The following MYO1E variants were observed in gnomAD, a reference collection of about 807,000 sequenced individuals.
The protein encoded by MYO1E is myosin IE.
MYO1E carries 68 observed loss-of-function variants against 151.1 expected under a neutral mutation model. The observed-to-expected ratio is 0.45, with a 90% CI of 0.37 to 0.55. MYO1E has a LOEUF of 0.55. Among genes scored for constraint, MYO1E ranks in the 20% least tolerant of loss-of-function variants. The pLI, the probability that MYO1E is intolerant of heterozygous loss-of-function variation, is 0.00. For missense variants in MYO1E, 1,363 were observed against 1,389.3 expected, an observed-to-expected ratio of 0.98 and a Z score of 0.30; for synonymous variants, 601 against 501.7, an observed-to-expected ratio of 1.20 and a Z score of -2.64.
intron 9 of MYO1E, chr15:59,218,320 A>T (rs1017245904): frequency 1.5e-6 from 1 of 650,088 alleles, no homozygotes; most frequent in South Asian, 1.5e-5. Flanking sequence ...TCCTATGATG[A>T]CTGAGACTTC....
chr15:59,209,858 C>G (rs2079867973), intron 13 of MYO1E, among the ~76,000 whole-genome samples: 1 of 63,404 alleles, frequency 1.6e-5, no homozygotes. Flanking sequence ...GAGACATGGT[C>G]TTGCCTTGCT....
chr15:59,282,993 G>T (rs2080366169), intron 1 of MYO1E, among the ~76,000 whole-genome samples: 1 of 113,768 alleles, frequency 8.8e-6, no homozygotes, highest in African/African-American at 3.3e-5. Context: ...GGGGAAAGGG[G>T]AAAGGGAAAG....
chr15:59,215,673 A>G (rs907305879), intron 10 of MYO1E, among the ~76,000 whole-genome samples: 9 of 152,202 alleles, frequency 5.9e-5, no homozygotes, highest in African/African-American at 2.2e-4. Flanking sequence ...ATCTTTTGTG[A>G]GCGAATGAGT....
intron 7 of MYO1E, 28 bp downstream of exon 7, chr15:59,227,431 T>G: frequency 6.2e-7 from 1 of 1,613,682 alleles, no homozygotes; most frequent in Non-Finnish European, 8.5e-7. Context: ...GGACAGGAAG[T>G]GGGTAGGAAA....
intron 14 of MYO1E, chr15:59,207,747 T>C (rs61754904): frequency 1.2e-6 from 2 of 1,614,038 alleles, no homozygotes; most frequent in Non-Finnish European, 1.7e-6. Flanking sequence ...ATATAGGAAC[T>C]GATAAAGATC....
chr15:59,301,960 ATAACT>A (rs1240269814), intron 1 of MYO1E, among the ~76,000 whole-genome samples: 1 of 151,694 alleles, frequency 6.6e-6, no homozygotes, highest in East Asian at 1.9e-4. Context: ...ATGCACTCAA[ATAACT>A]TACCTTCCCC....
chr15:59,208,467 AAGT>A (rs2079855082), intron 14 of MYO1E: 1 of 633,544 alleles, frequency 1.6e-6, no homozygotes. Context: ...TGCTGTAAAA[AAGT>A]AGTAGCTTCT....
intron 15 of MYO1E, 89 bp downstream of exon 15, chr15:59,205,311 C>G: frequency 7.7e-7 from 1 of 1,294,108 alleles, no homozygotes; most frequent in Non-Finnish European, 1.1e-6. Flanking sequence ...TATAGGAACA[C>G]ACCACCACAC....
intron 1 of MYO1E, among the ~76,000 whole-genome samples, chr15:59,288,725 GT>G (rs1321531025): frequency 2.0e-5 from 3 of 152,056 alleles, no homozygotes; most frequent in Non-Finnish European, 4.4e-5. Context: ...AACTTTTAAA[GT>G]TTCATGATGC....
chr15:59,191,366 G>GAA (rs770072317), intron 17 of MYO1E, among the ~76,000 whole-genome samples: 5 of 141,000 alleles, frequency 3.5e-5, no homozygotes, highest in South Asian at 2.5e-4. Flanking sequence ...GAGAGAGAGA[G>GAA]AGAAAGAAAT....
At chr15:59,198,394 G>C (rs2079780738) in intron 16 of MYO1E, among the ~76,000 whole-genome samples, 1 of 152,222 alleles carries the variant, frequency 6.6e-6, no homozygotes, top group South Asian at 2.1e-4. Context: ...GTGGGTCCTG[G>C]CACTTTTATT....
rs1853383691 is a variant in MYO1E, at chr15:59,196,995, T to TTTTTTTC, written c.1699-1429_1699-1428insGAAAAAA. The stretch of plus-strand genomic sequence containing the variant: ...TTGTATTTAATTACGACTTTTTTTT[T>TTTTTTTC]TTTTTTTTTTTTTTTGAGATGGAGT... On this transcript the variant is annotated intron_variant, in intron 16 of 27. Transcript: ENST00000288235. Among the ~76,000 whole-genome samples the TTTTTTTC allele has an allele frequency of 2.4e-5, 3 of 123,944 alleles. 1 individual carries two copies. The highest frequency in any genetic ancestry group is 5.2e-5 in the Non-Finnish European group (3 of 58,010). 81.3% of individuals were successfully genotyped at this position (123,944 alleles called of 152,430 possible). A position where few individuals can be genotyped will look rare whatever the true frequency, so the allele number is the denominator to read the frequency against.
At chr15:59,220,157 A>C (rs1299874866) in intron 9 of MYO1E, among the ~76,000 whole-genome samples, 1 of 152,200 alleles carries the variant, frequency 6.6e-6, no homozygotes, top group Non-Finnish European at 1.5e-5. Context: ...AAAAAAAACA[A>C]AGCTTGTTTG....
intron 14 of MYO1E, chr15:59,207,723 G>A (rs1175796431): frequency 6.2e-7 from 1 of 1,614,126 alleles, no homozygotes; most frequent in Admixed American, 1.7e-5. Flanking sequence ...TCCCTTTGAA[G>A]GATCTGAACT....
intron 19 of MYO1E, among the ~76,000 whole-genome samples, chr15:59,177,620 C>T (rs1335015014): frequency 6.6e-6 from 1 of 152,194 alleles, no homozygotes; most frequent in East Asian, 1.9e-4. Context: ...GAATGAATGT[C>T]TTTATTCCGC....
At chr15:59,177,828 C>G (rs1394228353) in intron 19 of MYO1E, among the ~76,000 whole-genome samples, 1 of 152,160 alleles carries the variant, frequency 6.6e-6, no homozygotes, top group East Asian at 1.9e-4. Context: ...ATTTCTCCTC[C>G]CACCTATTTT....
chr15:59,281,051 A>C (rs1316785795), intron 1 of MYO1E, among the ~76,000 whole-genome samples: 1 of 152,100 alleles, frequency 6.6e-6, no homozygotes, highest in Non-Finnish European at 1.5e-5. Context: ...AAGAGAAGCC[A>C]CCCATCACCA....
intron 1 of MYO1E, among the ~76,000 whole-genome samples, chr15:59,333,580 T>C (rs550155289): frequency 6.6e-6 from 1 of 152,130 alleles, no homozygotes; most frequent in African/African-American, 2.4e-5. Context: ...CCCACACCCA[T>C]TGTGAAATTA....
At chr15:59,219,294 T>A (rs1404094862) in intron 9 of MYO1E, among the ~76,000 whole-genome samples, 1 of 152,244 alleles carries the variant, frequency 6.6e-6, no homozygotes, top group African/African-American at 2.4e-5. Flanking sequence ...CATGAAAGAA[T>A]GCTCAGATTT....
Sources: allele counts gnomAD v4.1 joint callset (sites outside exome capture counted in the v4.1 genomes callset), GRCh38; gene constraint gnomAD v4.1.1; transcripts MANE v1.5; gene names NCBI Gene and HGNC (gene_info 2026-07-23, HGNC 2026-07-21).